The following GON4L variants were observed in gnomAD, a reference collection of about 807,000 sequenced individuals.
GON4L encodes the protein gon-4 like.
GON4L carries 87 observed loss-of-function variants against 211.8 expected under a neutral mutation model. That is an observed-to-expected ratio of 0.41 (90% CI 0.35 to 0.49). The LOEUF (loss-of-function observed/expected upper bound fraction) is 0.49. Among genes scored for constraint, GON4L ranks in the 20% least tolerant of loss-of-function variants. The probability of loss-of-function intolerance (pLI) is 0.15; values close to 1 mark genes in which losing one functional copy is unlikely to be tolerated. For synonymous variants in GON4L, 875 were observed against 962.6 expected (o/e 0.91, Z 1.68); for missense variants, 2,155 against 2,659.5 (o/e 0.81, Z 4.17).
chr1:155,846,100 C>A, intron 2 of GON4L: 2 of 228,852 alleles, frequency 8.7e-6, no homozygotes, highest in South Asian at 1.6e-4. Context: ...AGGAGTTTGT[C>A]AAGGCCTTTT....
chr1:155,844,456 C>A (rs1671049052), intron 2 of GON4L, among the ~76,000 whole-genome samples: 3 of 152,100 alleles, frequency 2.0e-5, no homozygotes, highest in Admixed American at 2.0e-4. Flanking sequence ...ATCTGGTTGA[C>A]CATAAAAAAC....
intron 2 of GON4L, among the ~76,000 whole-genome samples, chr1:155,839,238 G>T (rs1670571829): frequency 6.6e-6 from 1 of 151,952 alleles, no homozygotes; most frequent in Non-Finnish European, 1.5e-5. Context: ...GGTAAGAAAG[G>T]TTATAAATAA....
intron 11 of GON4L, among the ~76,000 whole-genome samples, chr1:155,796,189 CAT>C (rs1319432652): frequency 6.6e-6 from 1 of 151,518 alleles, no homozygotes; most frequent in African/African-American, 2.4e-5. Flanking sequence ...CAATAAGAAT[CAT>C]AAATAACTAA....
intron 2 of GON4L, among the ~76,000 whole-genome samples, chr1:155,839,458 G>T (rs1670587794): frequency 6.6e-6 from 1 of 152,092 alleles, no homozygotes; most frequent in Admixed American, 6.6e-5. Context: ...AGACCAGCCT[G>T]GCCAAGATGG....
At chr1:155,787,594 G>A (rs1019383380) in intron 12 of GON4L, among the ~76,000 whole-genome samples, 1 of 152,122 alleles carries the variant, frequency 6.6e-6, no homozygotes, top group Non-Finnish European at 1.5e-5. Flanking sequence ...CCAACATGGT[G>A]AAACCCCGTC....
chr1:155,822,336 C>A lies in GON4L; in HGVS notation c.838G>T (p.Gly280Cys). The A allele has an allele frequency of 1.2e-6, 2 of 1,614,090 alleles. No homozygotes were observed. The highest frequency in any genetic ancestry group is 1.7e-6 in the Non-Finnish European group (2 of 1,179,932). Residue 280 changes from glycine (G) to cysteine (C), a missense_variant, in exon 4 of 32, where the codon GGT becomes TGT. This residue lies in a region of GON4L where 551 missense variants were observed against 854.0 expected (regional missense o/e 0.65). Coordinates refer to ENST00000368331, the MANE Select transcript of GON4L (RefSeq NM_001282860.2). ...DDMLDRTLED[G>C]AKQHNLTAVN... is the part of the protein sequence containing the mutation. ...GCTGTTAGATTGTGCTGCTTGGCAC[C>A]ATCCTCCAAGGTACGGTCAAGCATG...
At chr1:155,846,345 A>AC (rs1671238130) in intron 2 of GON4L, 1 of 152,278 alleles carries the variant, frequency 6.6e-6, no homozygotes. Context: ...ACACAGTGAA[A>AC]CCCCGTCTCT....
At chr1:155,791,872 A>AATAACATAACATAAC (rs200057412) in intron 12 of GON4L, among the ~76,000 whole-genome samples, 23 of 119,194 alleles carry the variant, frequency 1.9e-4, no homozygotes, top group African/African-American at 6.0e-4. Context: ...CCATCTCAAA[A>AATAACATAACATAAC]ATAACATAAC....
rs1313778988 is a variant in GON4L at position 155,750,687 on chromosome 1, C to T, written c.6623G>A (p.Cys2208Tyr). The T allele has an allele frequency of 1.3e-6, 2 of 1,585,612 alleles. No homozygotes were observed. Among genetic ancestry groups the T allele is most frequent in the East Asian group, 2.3e-5 (1 of 43,678 alleles). ...ATCCTCATCCTCAGAGCTGGCTTCA[C>T]AGGCAGTGTGGAAGAGCTGCATGAG... ...RELMQLFHTA[C>Y]EASSEDEDDA... The change falls in exon 32 of 32, where the codon TGT becomes TAT. Residue 2208 changes from cysteine (C) to tyrosine (Y), a missense_variant. Transcript: ENST00000368331.
Position 155,766,235 on chromosome 1 carries a change from T to C in GON4L, c.3238A>G (p.Arg1080Gly), listed in dbSNP as rs777983920. The change falls in exon 21 of 32, where the codon AGG (arginine) becomes GGG (glycine). Residue 1080 changes from arginine (R) to glycine (G), a missense_variant. By Grantham distance (125) the Arg-to-Gly change is moderately radical. Coordinates refer to ENST00000368331, the MANE Select transcript of GON4L (RefSeq NM_001282860.2). Reference protein sequence around the residue: ...AALPAVPPEARTSFPLSESQT... With the variant: ...AALPAVPPEAGTSFPLSESQT... ...GACTCAGACAGAGGGAAGCTTGTCC[T>C]GGCCTCAGGGGGCACAGCAGGCAGT... 6 of 1,614,042 alleles carry C rather than the reference T, an allele frequency of 3.7e-6. No individual in the cohort carries two copies. Among genetic ancestry groups the C allele is most frequent in the African/African-American group, 1.3e-5 (1 of 74,916 alleles).
At chr1:155,802,681 C>T (rs926043006) in intron 11 of GON4L, among the ~76,000 whole-genome samples, 3 of 152,176 alleles carry the variant, frequency 2.0e-5, no homozygotes, top group Non-Finnish European at 4.4e-5. Context: ...ACTGGCTGAG[C>T]GCGATGGCTC....
At chr1:155,777,521 G>C (rs1663942253) in intron 15 of GON4L, 101 bp downstream of exon 15, 8 of 889,320 alleles carry the variant, frequency 9.0e-6, no homozygotes, top group Non-Finnish European at 9.5e-6. Flanking sequence ...AGAGGTTGAA[G>C]TGAGCCGATA....
At chr1:155,797,505 T>C (rs1054175267) in intron 11 of GON4L, among the ~76,000 whole-genome samples, 1 of 151,730 alleles carries the variant, frequency 6.6e-6, no homozygotes, top group African/African-American at 2.4e-5. Context: ...CCAGACTGGA[T>C]ACCGTGCCTG....
At chr1:155,786,579 G>A (rs1468018201) in intron 12 of GON4L, among the ~76,000 whole-genome samples, 1 of 152,092 alleles carries the variant, frequency 6.6e-6, no homozygotes, top group East Asian at 1.9e-4. Context: ...GGTTTCACAG[G>A]ACGCTGTCTT....
chr1:155,802,317 G>GGA (rs1305651259), intron 11 of GON4L, among the ~76,000 whole-genome samples: 1 of 146,794 alleles, frequency 6.8e-6, no homozygotes, highest in African/African-American at 2.5e-5. Flanking sequence ...TTCCTTGGGG[G>GGA]GGGGGAAGGC....
chr1:155,816,526 G>GTC (rs937327054), intron 6 of GON4L, among the ~76,000 whole-genome samples: 22 of 152,132 alleles, frequency 1.4e-4, no homozygotes, highest in African/African-American at 5.3e-4. Flanking sequence ...AGAAAACAAT[G>GTC]TCTACCTTGT....
intron 10 of GON4L, among the ~76,000 whole-genome samples, chr1:155,807,626 C>T (rs1667259100): frequency 7.5e-6 from 1 of 134,194 alleles, no homozygotes; most frequent in South Asian, 2.4e-4. Flanking sequence ...ATGGCATGAA[C>T]CCGGGAGGCA....
intron 24 of GON4L, 42 bp downstream of exon 24, chr1:155,760,402 G>T: frequency 2.4e-6 from 3 of 1,265,016 alleles, no homozygotes; most frequent in South Asian, 2.6e-5. Context: ...GTCTCACTCT[G>T]ACCCAGGAGT....
At position 155,765,601 on chromosome 1, in the gene GON4L, G is replaced by T. The variant is rs1278333061; in HGVS notation, c.3872C>A (p.Thr1291Asn). Residue 1291 changes from threonine to asparagine, a missense_variant, in exon 21 of 32, where the codon ACC becomes AAC. Transcript: ENST00000368331. ...GLSENSACRW[T>N]VVKTEEGRQA... is the part of the protein sequence containing the mutation. ...CCTCCCCTCCTCTGTTTTCACAACG[G>T]TCCAGCGACAGGCACTATTCTCTGA... 42 of 1,613,996 alleles carry T rather than the reference G, an allele frequency of 2.6e-5. No individual in the cohort carries two copies. Among genetic ancestry groups the T allele is most frequent in the Non-Finnish European group, 3.5e-5 (41 of 1,180,032 alleles).
Sources: gnomAD v4.1 joint callset for allele counts (sites outside exome capture counted in the v4.1 genomes callset) on GRCh38, gnomAD v4.1.1 for gene constraint, gnomAD v4.1.1 regional missense constraint, MANE v1.5 for transcripts, NCBI Gene and HGNC (gene_info 2026-07-23, HGNC 2026-07-21) for gene names.